Variants in ARHGAP10 observed in about 807,000 individuals in gnomAD.
The protein encoded by ARHGAP10 is rho GTPase-activating protein 10.
ARHGAP10 carries 87 observed loss-of-function variants against 108.6 expected under a neutral mutation model. That is an observed-to-expected ratio of 0.80 (90% CI 0.67 to 0.96). ARHGAP10 has a LOEUF of 0.96. ARHGAP10 is among the 40% of genes least tolerant of loss of function. ARHGAP10 has a pLI of 0.00. For missense variants in ARHGAP10, 939 were observed against 954.5 expected, an observed-to-expected ratio of 0.98 and a Z score of 0.21; for synonymous variants, 347 against 341.1, an observed-to-expected ratio of 1.02 and a Z score of -0.19.
At chr4:147,884,241 A>G (rs1325463975) in intron 10 of ARHGAP10, among the ~76,000 whole-genome samples, 3 of 152,130 alleles carry the variant, frequency 2.0e-5, no homozygotes, top group African/African-American at 7.2e-5. Flanking sequence ...TTTGTCAGCC[A>G]TGATCCTAGC....
chr4:147,740,748 C>A (rs1728622815), intron 1 of ARHGAP10, among the ~76,000 whole-genome samples: 1 of 152,142 alleles, frequency 6.6e-6, no homozygotes. Context: ...TTAACTTATT[C>A]TTTTAGTATT....
At chr4:147,903,128 C>A (rs959693399) in intron 10 of ARHGAP10, among the ~76,000 whole-genome samples, 4 of 152,164 alleles carry the variant, frequency 2.6e-5, no homozygotes, top group Non-Finnish European at 5.9e-5. Flanking sequence ...GCCAGGGAGG[C>A]CCTGTGTGGC....
chr4:148,053,822 G>A (rs535340272), intron 20 of ARHGAP10, among the ~76,000 whole-genome samples: 2 of 152,136 alleles, frequency 1.3e-5, no homozygotes, highest in African/African-American at 2.4e-5. Context: ...TGGTATCTGC[G>A]TTGTGTACTT....
At chr4:147,836,509 C>T (rs1483588892) in intron 3 of ARHGAP10, among the ~76,000 whole-genome samples, 2 of 152,168 alleles carry the variant, frequency 1.3e-5, no homozygotes, top group African/African-American at 4.8e-5. Flanking sequence ...TGTGAGTCGT[C>T]TTTGGTCTGA....
chr4:147,736,162 AG>A (rs1190779305), intron 1 of ARHGAP10, among the ~76,000 whole-genome samples: 3 of 148,022 alleles, frequency 2.0e-5, no homozygotes, highest in Non-Finnish European at 4.4e-5. Context: ...GTGAAGCTAA[AG>A]GGGCCCTCAT....
At chr4:147,838,564 C>T (rs932409778) in intron 3 of ARHGAP10, among the ~76,000 whole-genome samples, 1 of 151,934 alleles carries the variant, frequency 6.6e-6, no homozygotes, top group Non-Finnish European at 1.5e-5. Flanking sequence ...TTCACAGGGT[C>T]TAACTGTTGC....
intron 1 of ARHGAP10, among the ~76,000 whole-genome samples, chr4:147,763,133 A>G (rs1423881597): frequency 2.0e-5 from 3 of 152,190 alleles, no homozygotes; most frequent in Admixed American, 6.5e-5. Flanking sequence ...TTCAGTATGT[A>G]TTAGAATCAC....
intron 1 of ARHGAP10, among the ~76,000 whole-genome samples, chr4:147,759,851 T>C (rs1729523375): frequency 6.6e-6 from 1 of 152,094 alleles, no homozygotes; most frequent in African/African-American, 2.4e-5. Flanking sequence ...CAGGCTCAAG[T>C]GATTCTCCTG....
intron 3 of ARHGAP10, among the ~76,000 whole-genome samples, chr4:147,839,864 G>A (rs935290710): frequency 6.6e-6 from 1 of 152,180 alleles, no homozygotes; most frequent in Non-Finnish European, 1.5e-5. Flanking sequence ...GACGAAAAAG[G>A]ATTTCAGACT....
At chr4:147,869,079 C>G (rs918982070) in intron 7 of ARHGAP10, among the ~76,000 whole-genome samples, 2 of 152,170 alleles carry the variant, frequency 1.3e-5, no homozygotes, top group African/African-American at 4.8e-5. Context: ...ACTGTATATA[C>G]AACTTCTAGA....
intron 10 of ARHGAP10, among the ~76,000 whole-genome samples, chr4:147,890,104 G>C (rs1193353415): frequency 6.6e-6 from 1 of 152,234 alleles, no homozygotes; most frequent in Non-Finnish European, 1.5e-5. Flanking sequence ...TTTGCTCACA[G>C]ACCATTGGCT....
intron 18 of ARHGAP10, among the ~76,000 whole-genome samples, chr4:148,020,125 C>G (rs1029010954): frequency 1.3e-5 from 2 of 152,098 alleles, no homozygotes; most frequent in Non-Finnish European, 2.9e-5. Flanking sequence ...TTTCAGATTT[C>G]AGATTTTTGG....
At chr4:147,860,689 A>G (rs1426831677) in intron 5 of ARHGAP10, among the ~76,000 whole-genome samples, 1 of 152,232 alleles carries the variant, frequency 6.6e-6, no homozygotes, top group Non-Finnish European at 1.5e-5. Context: ...AAGTAGCCAA[A>G]TGATATTTCA....
chr4:147,732,204 G>C lies in ARHGAP10; in HGVS notation c.-98G>C, dbSNP rs899870912. 7 of 1,292,558 alleles carry C rather than the reference G, an allele frequency of 5.4e-6. No individual in the cohort carries two copies. Among genetic ancestry groups the C allele is most frequent in the Middle Eastern group, 5.4e-4 (2 of 3,722 alleles). 80.1% of individuals were successfully genotyped at this position (1,292,558 alleles called of 1,614,324 possible). ...CGCCCGGGCCTGCTAGCTCCTCTGT[G>C]CTCCCTGAACGCGCGGCGCCGCACC... is the stretch of plus-strand genomic sequence containing the variant. On this transcript the variant is annotated 5_prime_UTR_variant, in exon 1 of 23. Coordinates refer to ENST00000336498, the MANE Select transcript of ARHGAP10 (RefSeq NM_024605.4).
intron 20 of ARHGAP10, among the ~76,000 whole-genome samples, chr4:148,050,608 C>T (rs1729094598): frequency 1.3e-5 from 2 of 151,524 alleles, no homozygotes; most frequent in East Asian, 2.0e-4. Context: ...CTCCTGACCT[C>T]GTGATCCACC....
At chr4:147,854,885 T>C (rs1231671852) in intron 4 of ARHGAP10, 5 of 984,812 alleles carry the variant, frequency 5.1e-6, no homozygotes, top group South Asian at 4.7e-5. Flanking sequence ...CTAAATTCTT[T>C]CTTCATAAAG....
chr4:147,984,277 G>A (rs1739943657), intron 18 of ARHGAP10, among the ~76,000 whole-genome samples: 1 of 152,202 alleles, frequency 6.6e-6, no homozygotes, highest in South Asian at 2.1e-4. Context: ...TTCAGCGGCT[G>A]GAGCCACTGG....
chr4:147,761,471 A>G (rs932980925), intron 1 of ARHGAP10, among the ~76,000 whole-genome samples: 1 of 152,174 alleles, frequency 6.6e-6, no homozygotes, highest in African/African-American at 2.4e-5. Context: ...TGGCGCCAAC[A>G]GCATTTGATT....
chr4:147,746,367 G>A (rs1318704293), intron 1 of ARHGAP10, among the ~76,000 whole-genome samples: 2 of 150,254 alleles, frequency 1.3e-5, no homozygotes, highest in East Asian at 3.9e-4. Flanking sequence ...CTCCCAAAGT[G>A]CTGGAGTTAC....
Sources: allele counts gnomAD v4.1 joint callset (sites outside exome capture counted in the v4.1 genomes callset), GRCh38; gene constraint gnomAD v4.1.1; transcripts MANE v1.5; gene names NCBI Gene and HGNC (gene_info 2026-07-23, HGNC 2026-07-21).